NDUFAF2: variants seen among roughly 807,000 people sequenced by gnomAD.
NDUFAF2 encodes the protein NADH dehydrogenase [ubiquinone] 1 alpha subcomplex assembly factor 2.
Under a neutral mutation model 22.8 loss-of-function variants are expected in NDUFAF2, and 13 were observed. The ratio of observed to expected loss-of-function variants is 0.57; its 90% CI spans 0.37 to 0.91. The LOEUF is 0.91. Ranked by LOEUF, NDUFAF2 falls within the 40% of genes least tolerant of loss-of-function variation. The pLI is 0.01. For missense variants in NDUFAF2, 162 were observed against 195.2 expected (o/e 0.83, Z 1.01); for synonymous variants, 53 against 64.2 (o/e 0.83, Z 0.84).
At chr5:60,987,803 A>G (rs920818991) in intron 1 of NDUFAF2, among the ~76,000 whole-genome samples, 1 of 152,180 alleles carries the variant, frequency 6.6e-6, no homozygotes, top group African/African-American at 2.4e-5. Flanking sequence ...ACTATGACAA[A>G]CCCTCAGCCA....
intron 3 of NDUFAF2, among the ~76,000 whole-genome samples, chr5:61,143,958 TTTTGTGTGTG>T (rs60763120): frequency 0.065 from 8,196 of 125,534 alleles, 321 homozygotes; most frequent in East Asian, 0.15. Context: ...AATGGCATAT[TTTTGTGTGTG>T]TGTGTGTGTG....
Position 61,073,132 on chromosome 5 carries a change from T to C in NDUFAF2, c.135T>C (p.Thr45=), listed in dbSNP as rs768677930. The C allele has an allele frequency of 4.4e-6, 7 of 1,607,922 alleles. No homozygotes were observed. Among genetic ancestry groups the C allele is most frequent in the African/African-American group, 4.0e-5 (3 of 74,822 alleles). ...ATGACTTTTGTCTTATAGGACAAAC[T>C]ATTCGAGAGAAAAGAATTGTAGAAG... ...IPQYKNWRGQ[T]IREKRIVEAA... The change falls in exon 2 of 4, where the codon ACT becomes ACC. Residue 45 remains threonine (T), a synonymous_variant. Coordinates refer to ENST00000296597, the MANE Select transcript of NDUFAF2 (RefSeq NM_174889.5).
At chr5:61,130,847 A>G (rs961335441) in intron 3 of NDUFAF2, among the ~76,000 whole-genome samples, 4 of 152,152 alleles carry the variant, frequency 2.6e-5, no homozygotes, top group Non-Finnish European at 5.9e-5. Flanking sequence ...TGCTCCAGTG[A>G]GAAAGACAGA....
intron 1 of NDUFAF2, among the ~76,000 whole-genome samples, chr5:60,956,294 G>T (rs965087849): frequency 6.6e-5 from 10 of 152,094 alleles, no homozygotes; most frequent in Non-Finnish European, 4.4e-5. Flanking sequence ...ATTTCTATAT[G>T]TAAGGTCATC....
At chr5:61,143,328 A>T (rs905583935) in intron 3 of NDUFAF2, among the ~76,000 whole-genome samples, 3 of 152,074 alleles carry the variant, frequency 2.0e-5, no homozygotes, top group African/African-American at 7.2e-5. Context: ...CTCATACTTT[A>T]AAAATTTTAA....
At chr5:61,098,517 C>T (rs1455425636) in intron 2 of NDUFAF2, among the ~76,000 whole-genome samples, 1 of 152,190 alleles carries the variant, frequency 6.6e-6, no homozygotes, top group African/African-American at 2.4e-5. Flanking sequence ...TTTTTGCTTG[C>T]TGGAGCAAAT....
intron 1 of NDUFAF2, among the ~76,000 whole-genome samples, chr5:60,966,152 G>GGCC (rs1246601029): frequency 1.3e-5 from 2 of 152,062 alleles, no homozygotes; most frequent in Non-Finnish European, 2.9e-5. Flanking sequence ...CATGCCTGAT[G>GGCC]GCCATTTATA....
At chr5:60,997,596 A>G (rs1335293982) in intron 1 of NDUFAF2, among the ~76,000 whole-genome samples, 1 of 152,218 alleles carries the variant, frequency 6.6e-6, no homozygotes, top group African/African-American at 2.4e-5. Context: ...TTGATATGAC[A>G]TTAGATTTTA....
At chr5:61,007,649 A>G (rs1246593011) in intron 1 of NDUFAF2, among the ~76,000 whole-genome samples, 1 of 152,182 alleles carries the variant, frequency 6.6e-6, no homozygotes, top group East Asian at 1.9e-4. Context: ...AAGTCAGGAA[A>G]CAACAGGTGC....
chr5:60,974,605 G>A (rs537062349), intron 1 of NDUFAF2, among the ~76,000 whole-genome samples: 1 of 151,966 alleles, frequency 6.6e-6, no homozygotes, highest in Non-Finnish European at 1.5e-5. Context: ...CACCCTCCTC[G>A]CATCCCAAAG....
intron 1 of NDUFAF2, among the ~76,000 whole-genome samples, chr5:61,046,385 A>G (rs1751954410): frequency 6.6e-6 from 1 of 151,988 alleles, no homozygotes; most frequent in South Asian, 2.1e-4. Flanking sequence ...TAGTTCTTTA[A>G]TTGTTTGGTA....
chr5:60,962,456 A>G (rs1750701520), intron 1 of NDUFAF2, among the ~76,000 whole-genome samples: 1 of 152,168 alleles, frequency 6.6e-6, no homozygotes, highest in Non-Finnish European at 1.5e-5. Flanking sequence ...TTTCTCATGA[A>G]GCTATATTAT....
chr5:60,995,718 G>A (rs1308295868), intron 1 of NDUFAF2, among the ~76,000 whole-genome samples: 1 of 152,216 alleles, frequency 6.6e-6, no homozygotes, highest in Non-Finnish European at 1.5e-5. Context: ...AGGCCCTGGG[G>A]CTCTTCAATC....
At chr5:61,108,052 A>G (rs1207137684) in intron 3 of NDUFAF2, among the ~76,000 whole-genome samples, 4 of 150,580 alleles carry the variant, frequency 2.7e-5, no homozygotes, top group Non-Finnish European at 4.4e-5. Context: ...ATGGCTGCAT[A>G]GTATTCCATG....
rs1751477892 is a variant in NDUFAF2 at position 61,014,152 on chromosome 5, AC to A, written c.128-58968del. Among the ~76,000 whole-genome samples the A allele has an allele frequency of 3.3e-5, 5 of 152,244 alleles. No homozygotes were observed. In the South Asian group the frequency reaches 1.0e-3, roughly 32 times the overall value. On this transcript the variant is annotated intron_variant, in intron 1 of 3. Transcript: ENST00000296597. Reference sequence around the variant, plus strand: ...TAAGATGGTTGAGATTTACAGCCTTACCCCCTCAATCTCTGGAGAGGGGAGA... The same window carrying A: ...TAAGATGGTTGAGATTTACAGCCTTACCCCTCAATCTCTGGAGAGGGGAGA...
rs7731304 is a variant in NDUFAF2, at chr5:61,105,076, T to G, written c.258+6044T>G. On this transcript the variant is annotated intron_variant, in intron 3 of 3. Coordinates refer to ENST00000296597, the MANE Select transcript of NDUFAF2 (RefSeq NM_174889.5). ...GTCTCTGTGATTCTATTTTTTTCTT[T>G]GCTTCTCGGTTCTGGTTGACATATT... Among the ~76,000 whole-genome samples the G allele has an allele frequency of 9.8e-3, 1,496 of 152,072 alleles. 37 individuals carry two copies. The highest frequency in any genetic ancestry group is 0.034 in the African/African-American group (1,399 of 41,404).
intron 3 of NDUFAF2, among the ~76,000 whole-genome samples, chr5:61,135,791 G>C (rs567108743): frequency 6.6e-6 from 1 of 151,792 alleles, no homozygotes; most frequent in Non-Finnish European, 1.5e-5. Flanking sequence ...CGTGGGCAAG[G>C]CTACAGAATT....
chr5:60,998,715 C>A (rs1474709458), intron 1 of NDUFAF2, among the ~76,000 whole-genome samples: 2 of 151,780 alleles, frequency 1.3e-5, no homozygotes, highest in Admixed American at 6.6e-5. Flanking sequence ...CTCCTTCCAA[C>A]AGTATTCCAC....
At chr5:61,031,556 T>C (rs1373496868) in intron 1 of NDUFAF2, among the ~76,000 whole-genome samples, 2 of 151,996 alleles carry the variant, frequency 1.3e-5, no homozygotes, top group Non-Finnish European at 2.9e-5. Context: ...TGCATAGTAT[T>C]CCATGGTATA....
Sources: allele counts gnomAD v4.1 joint callset (sites outside exome capture counted in the v4.1 genomes callset), GRCh38; gene constraint gnomAD v4.1.1; transcripts MANE v1.5; gene names NCBI Gene and HGNC (gene_info 2026-07-23, HGNC 2026-07-21).